PPARGC1B: variants seen among roughly 807,000 people sequenced by gnomAD.
PPARGC1B encodes peroxisome proliferator-activated receptor gamma coactivator 1-beta.
A neutral mutation model predicts 101.6 loss-of-function variants in PPARGC1B; 34 were observed. The observed-to-expected ratio is 0.33, with a 90% confidence interval of 0.25 to 0.45. PPARGC1B has a LOEUF of 0.45. Among genes scored for constraint, PPARGC1B ranks in the 20% least tolerant of loss-of-function variants. PPARGC1B has a pLI of 1.00. For missense variants in PPARGC1B, 1,234 were observed against 1,317.6 expected, an observed-to-expected ratio of 0.94 and a Z score of 0.98; for synonymous variants, 548 against 539.3, an observed-to-expected ratio of 1.02 and a Z score of -0.22.
downstream of PPARGC1B, among the ~76,000 whole-genome samples, chr5:149,855,436 T>C (rs947918559): frequency 2.0e-5 from 3 of 152,208 alleles, no homozygotes; most frequent in African/African-American, 7.2e-5. Flanking sequence ...AAGACTTCCT[T>C]GTTTTGGTAT....
intron 10 of PPARGC1B, among the ~76,000 whole-genome samples, chr5:149,845,218 A>G (rs1437915008): frequency 6.6e-6 from 1 of 152,214 alleles, no homozygotes; most frequent in Admixed American, 6.5e-5. Context: ...GACCAGCCCT[A>G]CTAGGGGAGG....
At chr5:149,847,301 C>T (rs761099445) in intron 11 of PPARGC1B, 157 bp from the exon 12 acceptor site, 5 of 762,272 alleles carry the variant, frequency 6.6e-6, no homozygotes, top group Non-Finnish European at 1.2e-5. Context: ...GGATGGCAGG[C>T]AGTGCCCACA....
At chr5:149,793,347 C>T (rs1471465928) in intron 1 of PPARGC1B, among the ~76,000 whole-genome samples, 1 of 152,116 alleles carries the variant, frequency 6.6e-6, no homozygotes, top group Middle Eastern at 3.2e-3. Flanking sequence ...ATCATCAAGT[C>T]CCAGGAGAAA....
intron 1 of PPARGC1B, among the ~76,000 whole-genome samples, chr5:149,801,075 A>G (rs763275034): frequency 7.2e-5 from 11 of 152,182 alleles, no homozygotes; most frequent in Non-Finnish European, 1.5e-4. Flanking sequence ...CTAGGGGATG[A>G]GGAGAGAGAG....
At chr5:149,803,500 C>A (rs970488810) in intron 1 of PPARGC1B, among the ~76,000 whole-genome samples, 4 of 152,182 alleles carry the variant, frequency 2.6e-5, no homozygotes, top group Non-Finnish European at 5.9e-5. Flanking sequence ...AAAGTGGGTT[C>A]TCGTGGTACT....
intron 1 of PPARGC1B, among the ~76,000 whole-genome samples, chr5:149,740,421 G>T (rs1754869783): frequency 6.6e-6 from 1 of 152,224 alleles, no homozygotes; most frequent in Admixed American, 6.5e-5. Context: ...TTCCCTCTGA[G>T]CTCCAGGTCC....
At chr5:149,814,723 C>G (rs139075919) in intron 1 of PPARGC1B, among the ~76,000 whole-genome samples, 2 of 152,336 alleles carry the variant, frequency 1.3e-5, no homozygotes, top group African/African-American at 4.8e-5. Flanking sequence ...GAATCAATTT[C>G]CAGCAAGATC....
chr5:149,837,102 G>T lies in PPARGC1B; in HGVS notation c.2618+29G>T. The stretch of plus-strand genomic sequence containing the variant: ...TGAACAGGGGGCTGCAGGAGAGGCA[G>T]CGGGCAGTGGAGGATCCCAGTTCCC... On this transcript the variant is annotated intron_variant, in intron 8 of 11. Coordinates refer to ENST00000309241, the MANE Select transcript of PPARGC1B (RefSeq NM_133263.4). The surrounding 1 kb of genome is among the most constrained non-coding windows in gnomAD (Gnocchi z 4.2). 1 of 1,563,120 alleles carries T rather than the reference G, an allele frequency of 6.4e-7. No individual in the cohort carries two copies. The highest frequency in any genetic ancestry group is 8.7e-7 in the Non-Finnish European group (1 of 1,153,058).
chr5:149,733,533 G>T (rs9986116), intron 1 of PPARGC1B, among the ~76,000 whole-genome samples: 45,605 of 152,120 alleles, frequency 0.3, 7,458 homozygotes, highest in African/African-American at 0.43. Flanking sequence ...TAGCACTAGG[G>T]TTGTACCTTT....
At chr5:149,802,722 C>T (rs145476862) in intron 1 of PPARGC1B, among the ~76,000 whole-genome samples, 266 of 151,802 alleles carry the variant, frequency 1.8e-3, no homozygotes, top group African/African-American at 5.8e-3. Flanking sequence ...GGTGTTGCAT[C>T]CATGGTCACA....
At chr5:149,746,087 C>T (rs1474170844) in intron 1 of PPARGC1B, among the ~76,000 whole-genome samples, 1 of 152,194 alleles carries the variant, frequency 6.6e-6, no homozygotes, top group Non-Finnish European at 1.5e-5. Flanking sequence ...TGATTCACTG[C>T]CATCCCAGCT....
At chr5:149,745,284 A>G (rs1755046694) in intron 1 of PPARGC1B, among the ~76,000 whole-genome samples, 1 of 152,178 alleles carries the variant, frequency 6.6e-6, no homozygotes, top group Non-Finnish European at 1.5e-5. Flanking sequence ...AATGGGAATG[A>G]TAATAGGACT....
At chr5:149,753,856 G>C (rs1333139836) in intron 1 of PPARGC1B, among the ~76,000 whole-genome samples, 1 of 151,890 alleles carries the variant, frequency 6.6e-6, no homozygotes, top group Admixed American at 6.6e-5. Context: ...ACCACGCCCA[G>C]ATAATTTTTG....
intron 1 of PPARGC1B, among the ~76,000 whole-genome samples, chr5:149,735,468 C>T (rs983934378): frequency 1.3e-5 from 2 of 152,212 alleles, no homozygotes; most frequent in Non-Finnish European, 2.9e-5. Flanking sequence ...AAATGCCTAA[C>T]AAGAATATTG....
In PPARGC1B at chr5:149,833,438, G is replaced by A; in HGVS notation, c.1365G>A (p.Arg455=). The part of the protein sequence containing the change: ...KEEEEEWGRK[R]PGRGLPWTKL... ...AGGAGGAGGAGTGGGGCAGGAAAAG[G>A]CCAGGCCGAGGCCTGCCATGGACGA... is the stretch of plus-strand genomic sequence containing the variant. The change falls in exon 5 of 12, where the codon AGG becomes AGA. Residue 455 remains arginine, a synonymous_variant. Coordinates refer to ENST00000309241, the MANE Select transcript of PPARGC1B (RefSeq NM_133263.4). The surrounding 1 kb of genome is among the most constrained non-coding windows in gnomAD (Gnocchi z 4.1). 2 of 1,579,930 alleles carry A rather than the reference G, an allele frequency of 1.3e-6. No individual in the cohort carries two copies. The highest frequency in any genetic ancestry group is 1.7e-6 in the Non-Finnish European group (2 of 1,163,102).
intron 2 of PPARGC1B, among the ~76,000 whole-genome samples, chr5:149,825,806 G>C (rs907133321): frequency 6.6e-6 from 1 of 152,086 alleles, no homozygotes; most frequent in Non-Finnish European, 1.5e-5. Flanking sequence ...AGTGCAGGGG[G>C]CAGTTATACT....
rs1176615636 is a variant in PPARGC1B at position 149,851,699 on chromosome 5, G to A, written c.*4141G>A. 1.3e-5 allele frequency: 2 copies of A among 152,244 alleles called. No individual in the cohort carries two copies. The highest frequency in any genetic ancestry group is 2.4e-5 in the African/African-American group (1 of 41,458). The allele number at this position is 152,244 out of a possible 1,614,324, so 9.4% of individuals were successfully genotyped here. A position where few individuals can be genotyped will look rare whatever the true frequency, so the allele number is the denominator to read the frequency against. ...AAGTTAGTCCCCTAGTCCCTGAGGGGTTTTTACACACAGATGGGCTCCAGG... is the reference window on the plus strand; with the variant it reads ...AAGTTAGTCCCCTAGTCCCTGAGGGATTTTTACACACAGATGGGCTCCAGG... On this transcript the variant is annotated 3_prime_UTR_variant, in exon 12 of 12. Transcript: ENST00000309241.
In PPARGC1B at chr5:149,793,415, C is replaced by T. The variant is rs149966065; in HGVS notation, c.79-27018C>T. 4.5e-3 allele frequency among the ~76,000 whole-genome samples: 685 copies of T among 152,230 alleles called. 5 individuals carry two copies. The highest frequency in any genetic ancestry group is 0.016 in the African/African-American group (646 of 41,530). ...CTGTCTTCTGGAAAATCCCAGTGTG[C>T]TGTTTAAAAGAAGGCCCTTATACTG... is the stretch of plus-strand genomic sequence containing the variant. On this transcript the variant is annotated intron_variant, in intron 1 of 11. Coordinates refer to ENST00000309241, the MANE Select transcript of PPARGC1B (RefSeq NM_133263.4).
chr5:149,815,478 C>T (rs1758017089), intron 1 of PPARGC1B, among the ~76,000 whole-genome samples: 1 of 152,234 alleles, frequency 6.6e-6, no homozygotes, highest in South Asian at 2.1e-4. Flanking sequence ...TAATCTCAGA[C>T]TTCTGTTGTT....
Sources: gnomAD v4.1 joint callset for allele counts (sites outside exome capture counted in the v4.1 genomes callset) on GRCh38, gnomAD v4.1.1 for gene constraint, Gnocchi (gnomAD v3.1) non-coding constraint, MANE v1.5 for transcripts, NCBI Gene and HGNC (gene_info 2026-07-23, HGNC 2026-07-21) for gene names.